RTEL1: variants seen among roughly 807,000 people sequenced by gnomAD.
RTEL1 encodes regulator of telomere length.
In RTEL1, 86 loss-of-function variants were observed where a neutral mutation model predicts 162.2. That is an observed-to-expected ratio of 0.53 (90% CI 0.45 to 0.63). The LOEUF (loss-of-function observed/expected upper bound fraction) is 0.63. Among genes scored for constraint, RTEL1 ranks in the 30% least tolerant of loss-of-function variants. The pLI, the probability that RTEL1 is intolerant of heterozygous loss-of-function variation, is 0.00. For missense variants in RTEL1, 1,941 were observed against 1,750.2 expected (o/e 1.11, Z -1.95); for synonymous variants, 958 against 717.9 (o/e 1.33, Z -5.35).
At chr20:63,690,035 G>A (rs2090693587) in intron 24 of RTEL1, 52 bp from the exon 25 acceptor site, 1 of 1,591,214 alleles carries the variant, frequency 6.3e-7, no homozygotes. Context: ...TCGGTGAACT[G>A]AACCCTTGAA....
chr20:63,676,207 C>T (rs1369291942), intron 10 of RTEL1, among the ~76,000 whole-genome samples: 1 of 152,180 alleles, frequency 6.6e-6, no homozygotes, highest in Non-Finnish European at 1.5e-5. Flanking sequence ...GCCTCGGCCT[C>T]CCAAGCTCCT....
chr20:63,680,855 A>C, intron 14 of RTEL1, 136 bp downstream of exon 14: 2 of 1,491,720 alleles, frequency 1.3e-6, no homozygotes, highest in Non-Finnish European at 1.8e-6. Flanking sequence ...TGATTGGCAA[A>C]CTCTCGGCTC....
intron 14 of RTEL1, among the ~76,000 whole-genome samples, chr20:63,684,070 T>C (rs2090538211): frequency 6.6e-6 from 1 of 152,134 alleles, no homozygotes; most frequent in Admixed American, 6.5e-5. Flanking sequence ...GTTCTGAGCT[T>C]GTGCCTCCCG....
At position 63,658,402 on chromosome 20, in the gene RTEL1, C is replaced by G. The variant is rs2089952240; in HGVS notation, c.-235C>G. The G allele has an allele frequency of 1.3e-5, 2 of 152,528 alleles. No individual in the cohort carries two copies. Among genetic ancestry groups the G allele is most frequent in the Non-Finnish European group, 2.9e-5 (2 of 68,158 alleles). 9.4% of individuals were successfully genotyped at this position (152,528 alleles called of 1,614,324 possible). ...GCTGGGGACGGGTGGCGGCCCTCGACTGGAGTCGGTTGAGTTCCTGAGGGA... is the reference window on the plus strand; with the variant it reads ...GCTGGGGACGGGTGGCGGCCCTCGAGTGGAGTCGGTTGAGTTCCTGAGGGA... On this transcript the variant is annotated 5_prime_UTR_variant, in exon 1 of 35. Transcript: ENST00000360203.
Position 63,673,762 on chromosome 20 carries a change from G to A in RTEL1, c.766-178G>A, listed in dbSNP as rs571258503. 9.2e-5 allele frequency among the ~76,000 whole-genome samples: 14 copies of A among 152,208 alleles called. No homozygotes were observed. In the South Asian group the frequency reaches 2.9e-3, roughly 32 times the overall value. ...CCTGAAACAATCGTTTCTAAATATTGGTGTGGGCCACACAGTCATGTTTGG... is the reference window on the plus strand; with the variant it reads ...CCTGAAACAATCGTTTCTAAATATTAGTGTGGGCCACACAGTCATGTTTGG... On this transcript the variant is annotated intron_variant, in intron 9 of 34. Transcript: ENST00000360203.
intron 10 of RTEL1, among the ~76,000 whole-genome samples, chr20:63,677,772 G>A: frequency 7.7e-6 from 1 of 129,184 alleles, no homozygotes; most frequent in African/African-American, 3.0e-5. Flanking sequence ...GGCCTGCACG[G>A]ATTCTGTGTG....
chr20:63,684,086 G>A (rs1387359715), intron 14 of RTEL1, among the ~76,000 whole-genome samples: 2 of 152,152 alleles, frequency 1.3e-5, no homozygotes, highest in Non-Finnish European at 2.9e-5. Context: ...TCCCGACCAA[G>A]ATGCTAAACC....
chr20:63,681,353 G>C, intron 14 of RTEL1: 1 of 985,418 alleles, frequency 1.0e-6, no homozygotes, highest in Non-Finnish European at 1.2e-6. Flanking sequence ...CCTCTCCGGG[G>C]CCTCGGTGGC....
chr20:63,674,043 C>T lies in RTEL1; in HGVS notation c.869C>T (p.Ala290Val), dbSNP rs202157063. Residue 290 changes from alanine to valine, a missense_variant, in exon 10 of 35, where the codon GCG becomes GTG. Coordinates refer to ENST00000360203, the MANE Select transcript of RTEL1 (RefSeq NM_001283009.2). ...DQVLEEQTKA[A>V]QQGEPHPEFS... ...GTGCTGGAGGAGCAGACCAAGGCAG[C>T]GCAGCAGGGTGAGCCCCACCCGGAG... 6.6e-5 allele frequency: 107 copies of T among 1,612,538 alleles called. 1 individual carries two copies. Among genetic ancestry groups the T allele is most frequent in the Middle Eastern group, 1.7e-4 (1 of 6,058 alleles).
At chr20:63,692,463 C>T (rs1263621871) in intron 28 of RTEL1, 3 of 379,726 alleles carry the variant, frequency 7.9e-6, no homozygotes, top group Admixed American at 7.9e-5. Context: ...ATCCTGGGAG[C>T]CTCAGCCGCA....
chr20:63,693,009 CTGGCTTG>C lies in RTEL1; in HGVS notation c.2851+7_2851+13del, dbSNP rs2090793066. On this transcript the variant is annotated splice_region_variant and intron_variant, in intron 29 of 34. Coordinates refer to ENST00000360203, the MANE Select transcript of RTEL1 (RefSeq NM_001283009.2). ...GAAGCACAACCTGCTCCAAGGTGCC[CTGGCTTG>C]CAGAGGCCACCCACCCTGAGGGCAG... 7 of 1,612,306 alleles carry C rather than the reference CTGGCTTG, an allele frequency of 4.3e-6. No homozygotes were observed. The highest frequency in any genetic ancestry group is 1.7e-5 in the Admixed American group (1 of 59,990).
At chr20:63,689,010 G>C in intron 21 of RTEL1, 45 bp from the exon 22 acceptor site, 9 of 1,531,572 alleles carry the variant, frequency 5.9e-6, no homozygotes, top group Non-Finnish European at 8.1e-6. Context: ...GGAGGAAGGG[G>C]CTGGGGGGGG....
At position 63,694,606 on chromosome 20, in the gene RTEL1, G is replaced by C. The variant is rs972439115; in HGVS notation, c.3109+118G>C. The C allele has an allele frequency of 1.2e-5, 14 of 1,210,628 alleles. No homozygotes were observed. In the African/African-American group the frequency reaches 1.5e-4, roughly 13 times the overall value. 75.0% of individuals were successfully genotyped at this position (1,210,628 alleles called of 1,614,324 possible). A position where few individuals can be genotyped will look rare whatever the true frequency, so the allele number is the denominator to read the frequency against. On this transcript the variant is annotated intron_variant, in intron 31 of 34. Transcript: ENST00000360203. ...CTGTGGGGAGCCATCTCATGGTGGG[G>C]ACTGCTCCCGGTTCTGCACCCCGCA...
chr20:63,693,400 C>A (rs1000327450), intron 30 of RTEL1, 117 bp downstream of exon 30: 4 of 1,303,192 alleles, frequency 3.1e-6, no homozygotes, highest in Admixed American at 2.0e-5. Flanking sequence ...CCTCTCTGTT[C>A]CCCTATGGGA....
intron 11 of RTEL1, 40 bp downstream of exon 11, chr20:63,678,223 G>A (rs1277350974): frequency 1.9e-6 from 3 of 1,612,732 alleles, no homozygotes; most frequent in East Asian, 2.2e-5. Context: ...GCTGGGTGGG[G>A]CCTCCTCCTT....
chr20:63,686,672 C>CGGAAG (rs1216174943), intron 16 of RTEL1: 1 of 152,528 alleles, frequency 6.6e-6, no homozygotes, highest in African/African-American at 2.4e-5. Context: ...CTGGCCGAGC[C>CGGAAG]GGAAGGGAAG....
At position 63,680,692 on chromosome 20, in the gene RTEL1, A is replaced by G; in HGVS notation, c.1164A>G (p.Gly388=). ...GRAGVFTNTA[G]LQKLADIIQI... is the part of the protein sequence containing the mutation. Reference sequence around the variant, plus strand: ...CTGGAGTGTTCACCAACACGGCCGGACTGCAGAAGCTGGCGGACATTATCC... The same window carrying G: ...CTGGAGTGTTCACCAACACGGCCGGGCTGCAGAAGCTGGCGGACATTATCC... Residue 388 remains glycine (G), a synonymous_variant, in exon 14 of 35, where the codon GGA becomes GGG. Transcript: ENST00000360203. 6.2e-7 allele frequency: 1 copy of G among 1,613,376 alleles called. No individual in the cohort carries two copies. The highest frequency in any genetic ancestry group is 8.5e-7 in the Non-Finnish European group (1 of 1,179,986).
chr20:63,678,629 AACAGCACACACACTCCCACGG>A (rs2090410705), intron 12 of RTEL1, among the ~76,000 whole-genome samples: 1 of 140,856 alleles, frequency 7.1e-6, no homozygotes, highest in Non-Finnish European at 1.5e-5. Context: ...CACTCCCACG[AACAGCACACACACTCCCACGG>A]AACAGCACAC....
At position 63,661,606 on chromosome 20, in the gene RTEL1, C is replaced by A; in HGVS notation, c.301+110C>A. The A allele has an allele frequency of 8.5e-7, 1 of 1,170,888 alleles. No homozygotes were observed. Among genetic ancestry groups the A allele is most frequent in the Non-Finnish European group, 1.2e-6 (1 of 839,458 alleles). 72.5% of individuals were successfully genotyped at this position (1,170,888 alleles called of 1,614,324 possible). On this transcript the variant is annotated intron_variant, in intron 3 of 34. Coordinates refer to ENST00000360203, the MANE Select transcript of RTEL1 (RefSeq NM_001283009.2). The surrounding 1 kb of genome is among the most constrained non-coding windows in gnomAD (Gnocchi z 5.1). ...GACTCCTGCCGTCTCTCAAGCAGAACTCAAGGAGAATTTTTTAGCTGCTGT... is the reference window on the plus strand; with the variant it reads ...GACTCCTGCCGTCTCTCAAGCAGAAATCAAGGAGAATTTTTTAGCTGCTGT...
Sources: gnomAD v4.1 joint callset for allele counts (sites outside exome capture counted in the v4.1 genomes callset) on GRCh38, gnomAD v4.1.1 for gene constraint, Gnocchi (gnomAD v3.1) non-coding constraint, MANE v1.5 for transcripts, NCBI Gene and HGNC (gene_info 2026-07-23, HGNC 2026-07-21) for gene names.